PAK5: variants seen among roughly 807,000 people sequenced by gnomAD.
PAK5 encodes serine/threonine-protein kinase PAK 5.
A neutral mutation model predicts 65.9 loss-of-function variants in PAK5; 16 were observed. That is an observed-to-expected ratio of 0.24 (90% CI 0.16 to 0.37). The LOEUF is 0.37. Ranked by LOEUF, PAK5 falls within the 10% of genes least tolerant of loss-of-function variation. The pLI is 1.00. For synonymous variants in PAK5, 371 were observed against 354.9 expected (o/e 1.05, Z -0.51); for missense variants, 785 against 903.9 (o/e 0.87, Z 1.69).
intron 2 of PAK5, among the ~76,000 whole-genome samples, chr20:9,688,321 G>A (rs925711540): frequency 2.0e-5 from 3 of 151,890 alleles, no homozygotes; most frequent in South Asian, 2.1e-4. Flanking sequence ...CCAACACCAC[G>A]CACTTTGTGT....
At chr20:9,789,296 C>T (rs150674254) in intron 1 of PAK5, among the ~76,000 whole-genome samples, 1 of 152,280 alleles carries the variant, frequency 6.6e-6, no homozygotes, top group Non-Finnish European at 1.5e-5. Context: ...TTTCATCTTA[C>T]TTCCAAATCT....
chr20:9,541,707 G>T (rs746752661), intron 9 of PAK5, among the ~76,000 whole-genome samples: 1 of 152,124 alleles, frequency 6.6e-6, no homozygotes, highest in Non-Finnish European at 1.5e-5. Context: ...CAGTGATAGG[G>T]TTTGGCTCTC....
intron 5 of PAK5, 31 bp from the exon 6 acceptor site, chr20:9,563,055 G>A: frequency 1.2e-6 from 2 of 1,607,624 alleles, no homozygotes; most frequent in Non-Finnish European, 1.7e-6. Flanking sequence ...CTTTTGACTT[G>A]TGAAGATGAA....
At chr20:9,792,701 C>T (rs2049062497) in intron 1 of PAK5, among the ~76,000 whole-genome samples, 1 of 152,090 alleles carries the variant, frequency 6.6e-6, no homozygotes, top group South Asian at 2.1e-4. Flanking sequence ...AATATATTAC[C>T]ATTTCAGAGA....
intron 1 of PAK5, among the ~76,000 whole-genome samples, chr20:9,799,002 A>T (rs1378302818): frequency 6.6e-6 from 1 of 152,200 alleles, no homozygotes; most frequent in Admixed American, 6.5e-5. Flanking sequence ...GCTTTGCATA[A>T]ATGCAAAGAA....
Position 9,580,445 on chromosome 20 carries a change from A to G in PAK5, c.690T>C (p.Tyr230=). The change falls in exon 4 of 10, where the codon TAT becomes TAC. Residue 230 remains tyrosine (Y), a synonymous_variant. Transcript: ENST00000353224. ...QRASSSSPLD[Y]SFQFTPSRTA... Reference sequence around the variant, plus strand: ...TTCTAGAAGGTGTGAATTGGAATGAATAATCCAGAGGGGAGCTACTCGAGG... The same window carrying G: ...TTCTAGAAGGTGTGAATTGGAATGAGTAATCCAGAGGGGAGCTACTCGAGG... The G allele has an allele frequency of 6.2e-7, 1 of 1,614,100 alleles. No homozygotes were observed. The highest frequency in any genetic ancestry group is 8.5e-7 in the Non-Finnish European group (1 of 1,180,012).
intron 7 of PAK5, among the ~76,000 whole-genome samples, chr20:9,556,981 T>G (rs1603205230): frequency 6.6e-6 from 1 of 152,276 alleles, no homozygotes; most frequent in South Asian, 2.1e-4. Flanking sequence ...GTTTGGCTTC[T>G]ACCAAAGATC....
intron 1 of PAK5, among the ~76,000 whole-genome samples, chr20:9,805,713 G>T (rs1335297734): frequency 6.6e-6 from 1 of 152,156 alleles, no homozygotes; most frequent in Non-Finnish European, 1.5e-5. Flanking sequence ...AAGAAGATTA[G>T]TTTTTGCAGG....
chr20:9,727,027 C>T (rs780520403), intron 1 of PAK5, among the ~76,000 whole-genome samples: 5 of 151,978 alleles, frequency 3.3e-5, no homozygotes, highest in Non-Finnish European at 5.9e-5. Flanking sequence ...AGTTGTATGG[C>T]CTTTGTTTTC....
intron 1 of PAK5, among the ~76,000 whole-genome samples, chr20:9,727,299 T>G (rs942402240): frequency 1.3e-5 from 2 of 152,204 alleles, no homozygotes; most frequent in Non-Finnish European, 2.9e-5. Flanking sequence ...ATCTTTTCAC[T>G]GATTAACCAA....
At chr20:9,610,913 C>G (rs2046546682) in intron 3 of PAK5, among the ~76,000 whole-genome samples, 1 of 152,186 alleles carries the variant, frequency 6.6e-6, no homozygotes, top group Non-Finnish European at 1.5e-5. Flanking sequence ...TCTCTTCTGC[C>G]ACGAGAGGAC....
At position 9,687,649 on chromosome 20, in the gene PAK5, T is replaced by G. The variant is rs150226592; in HGVS notation, c.-12+23637A>C. ...TGGTGATTTTGAAACCCGCACATCA[T>G]GGCTTCAGATACGGCCAAACACTTT... On this transcript the variant is annotated intron_variant, in intron 2 of 9. Transcript: ENST00000353224. 4.7e-4 allele frequency among the ~76,000 whole-genome samples: 71 copies of G among 152,300 alleles called. No homozygotes were observed. In the East Asian group the frequency reaches 0.012, roughly 25 times the overall value.
chr20:9,633,821 A>G (rs541185795), intron 3 of PAK5, among the ~76,000 whole-genome samples: 28 of 152,346 alleles, frequency 1.8e-4, no homozygotes, highest in Non-Finnish European at 3.5e-4. Context: ...AGCATTTTGA[A>G]CCATGAGAAG....
chr20:9,602,321 A>C (rs550952180), intron 3 of PAK5, among the ~76,000 whole-genome samples: 7 of 151,200 alleles, frequency 4.6e-5, no homozygotes, highest in Admixed American at 1.3e-4. Flanking sequence ...TAAATAAATA[A>C]ATAAATAAAT....
At chr20:9,728,192 C>T (rs916722560) in intron 1 of PAK5, among the ~76,000 whole-genome samples, 1 of 152,034 alleles carries the variant, frequency 6.6e-6, no homozygotes, top group African/African-American at 2.4e-5. Flanking sequence ...CCTTCCACCA[C>T]ATGAAGACAC....
intron 1 of PAK5, among the ~76,000 whole-genome samples, chr20:9,771,574 AT>A (rs1437793963): frequency 1.2e-5 from 1 of 80,074 alleles, no homozygotes; most frequent in African/African-American, 4.7e-5. Context: ...CATTCAGTCA[AT>A]TTTTTAATTT....
At chr20:9,776,781 C>T (rs576603599) in intron 1 of PAK5, among the ~76,000 whole-genome samples, 1 of 152,274 alleles carries the variant, frequency 6.6e-6, no homozygotes, top group East Asian at 1.9e-4. Flanking sequence ...GAGACCGTAG[C>T]CATGATCAAT....
At chr20:9,729,476 G>T (rs1291366228) in intron 1 of PAK5, among the ~76,000 whole-genome samples, 2 of 151,818 alleles carry the variant, frequency 1.3e-5, no homozygotes, top group Non-Finnish European at 2.9e-5. Flanking sequence ...ATTTTATATA[G>T]GCACGAGGTA....
chr20:9,665,484 T>C (rs2123347616), intron 2 of PAK5, among the ~76,000 whole-genome samples: 1 of 152,094 alleles, frequency 6.6e-6, no homozygotes, highest in Middle Eastern at 3.4e-3. Flanking sequence ...CTTCTAGCTT[T>C]TCTTTCTTTA....
Sources: gnomAD v4.1 joint callset for allele counts (sites outside exome capture counted in the v4.1 genomes callset) on GRCh38, gnomAD v4.1.1 for gene constraint, MANE v1.5 for transcripts, NCBI Gene and HGNC (gene_info 2026-07-23, HGNC 2026-07-21) for gene names.